Variants in RAB27A observed in about 807,000 individuals in gnomAD.
RAB27A encodes the protein ras-related protein Rab-27A.
In RAB27A, 17 loss-of-function variants were observed where a neutral mutation model predicts 20.8. That is an observed-to-expected ratio of 0.82 (90% CI 0.56 to 1.23). The LOEUF is 1.23. Ranked by LOEUF, RAB27A falls within the 50% of genes most tolerant of loss-of-function variation. The probability of loss-of-function intolerance (pLI) is 0.00; values close to 1 mark genes in which losing one functional copy is unlikely to be tolerated. For missense variants in RAB27A, 277 were observed against 266.7 expected, an observed-to-expected ratio of 1.04 and a Z score of -0.27; for synonymous variants, 85 against 92.8, an observed-to-expected ratio of 0.92 and a Z score of 0.48.
chr15:55,209,827 TACATATATGTGTGTAC>T lies in RAB27A; in HGVS notation c.468-4138_468-4123del, dbSNP rs1402251791. ...ATATATACACACATGTGTGTATATA[TACATATATGTGTGTAC>T]ACATATATGTGTGTATATACATATA... On this transcript the variant is annotated intron_variant, in intron 6 of 6. Coordinates refer to ENST00000336787, the MANE Select transcript of RAB27A (RefSeq NM_183235.3). Among the ~76,000 whole-genome samples, 158 of 126,848 alleles carry T rather than the reference TACATATATGTGTGTAC, an allele frequency of 1.2e-3. 20 individuals carry two copies. Among genetic ancestry groups the T allele is most frequent in the Non-Finnish European group, 2.0e-3 (125 of 63,550 alleles). The allele number at this position is 126,848 out of a possible 152,430, so 83.2% of individuals were successfully genotyped here.
At chr15:55,244,330 C>CA (rs1896607520) in intron 2 of RAB27A, among the ~76,000 whole-genome samples, 2 of 151,800 alleles carry the variant, frequency 1.3e-5, no homozygotes, top group Non-Finnish European at 2.9e-5. Context: ...AACAAACAAA[C>CA]AAACAAAACA....
rs79323462 is a variant in RAB27A at position 55,268,272 on chromosome 15, C to G, written c.-23+1893G>C. On this transcript the variant is annotated intron_variant, in intron 2 of 6. Coordinates refer to ENST00000336787, the MANE Select transcript of RAB27A (RefSeq NM_183235.3). ...TTGGGGTTCATTCCCAGGTGAAAAGCATGAGTTTGTGGCAAAGAAAACAGT... is the reference window on the plus strand; with the variant it reads ...TTGGGGTTCATTCCCAGGTGAAAAGGATGAGTTTGTGGCAAAGAAAACAGT... Among the ~76,000 whole-genome samples the G allele has an allele frequency of 2.0e-5, 3 of 152,158 alleles. No individual in the cohort carries two copies. The South Asian group carries it at 6.2e-4, about 32-fold the overall frequency.
intron 1 of RAB27A, among the ~76,000 whole-genome samples, chr15:55,272,020 C>G (rs1897723190): frequency 6.6e-6 from 1 of 152,154 alleles, no homozygotes; most frequent in Non-Finnish European, 1.5e-5. Flanking sequence ...ATTTTGAGAA[C>G]AATTTAGTAA....
chr15:55,210,556 C>T (rs548639474), intron 6 of RAB27A, among the ~76,000 whole-genome samples: 9 of 152,074 alleles, frequency 5.9e-5, no homozygotes, highest in Non-Finnish European at 1.3e-4. Flanking sequence ...CACCTGTTTG[C>T]CATTTGCAGA....
intron 1 of RAB27A, chr15:55,317,651 C>G (rs1177253450): frequency 7.5e-6 from 3 of 398,540 alleles, no homozygotes. Context: ...TCTTCTGATT[C>G]TTGTACCAAC....
Position 55,309,255 on chromosome 15 carries a change from G to A in RAB27A, c.-112+4784C>T, listed in dbSNP as rs542052209. On this transcript the variant is annotated intron_variant, in intron 2 of 5. Transcript: ENST00000563262. ...CTTAGTTGCTTTAGAGTTTTGGGATGAGGATAAGCCAGTATAGGCTGGATA... is the reference window on the plus strand; with the variant it reads ...CTTAGTTGCTTTAGAGTTTTGGGATAAGGATAAGCCAGTATAGGCTGGATA... Among the ~76,000 whole-genome samples, 27 of 152,350 alleles carry A rather than the reference G, an allele frequency of 1.8e-4. 1 individual carries two copies. Among genetic ancestry groups the A allele is most frequent in the African/African-American group, 6.5e-4 (27 of 41,580 alleles).
chr15:55,259,580 C>A (rs1458780813), intron 2 of RAB27A, among the ~76,000 whole-genome samples: 1 of 152,130 alleles, frequency 6.6e-6, no homozygotes, highest in Non-Finnish European at 1.5e-5. Flanking sequence ...AGCCACCATG[C>A]CCAGCCAAGA....
intron 2 of RAB27A, among the ~76,000 whole-genome samples, chr15:55,253,123 CTCTG>C (rs1896954316): frequency 6.9e-6 from 1 of 144,872 alleles, no homozygotes; most frequent in Non-Finnish European, 1.5e-5. Flanking sequence ...CAGAGCAAGA[CTCTG>C]TCTCTGAAAA....
At chr15:55,274,505 C>T (rs1484984064) in intron 1 of RAB27A, among the ~76,000 whole-genome samples, 4 of 149,062 alleles carry the variant, frequency 2.7e-5, no homozygotes, top group African/African-American at 2.4e-5. Context: ...TGGCTGGGTG[C>T]GGTGGTTCAT....
Position 55,275,054 on chromosome 15 carries a change from C to T in RAB27A, c.-142-4770G>A, listed in dbSNP as rs185492143. Among the ~76,000 whole-genome samples, 1,155 of 151,412 alleles carry T rather than the reference C, an allele frequency of 7.6e-3. 10 individuals carry two copies. The highest frequency in any genetic ancestry group is 0.013 in the Non-Finnish European group (857 of 67,820). ...TCACTTGAGGTCACGAGTTCAAGAC[C>T]AGCCTGGCCAACATGGTAAAAGCCC... On this transcript the variant is annotated intron_variant, in intron 1 of 6. Transcript: ENST00000336787.
chr15:55,303,835 G>T (rs1309433072), intron 2 of RAB27A, among the ~76,000 whole-genome samples: 1 of 134,380 alleles, frequency 7.4e-6, no homozygotes, highest in Non-Finnish European at 1.6e-5. Flanking sequence ...CGGGAGGGAG[G>T]TGGGGGGGGT....
chr15:55,212,298 T>C (rs1895065385), intron 6 of RAB27A, among the ~76,000 whole-genome samples: 1 of 152,256 alleles, frequency 6.6e-6, no homozygotes, highest in South Asian at 2.1e-4. Flanking sequence ...CTAATTCCAA[T>C]GCAGCCAGTT....
At chr15:55,223,610 T>C (rs901551733) in intron 6 of RAB27A, among the ~76,000 whole-genome samples, 6 of 152,176 alleles carry the variant, frequency 3.9e-5, no homozygotes, top group African/African-American at 1.4e-4. Context: ...AAAGAAGGCC[T>C]TACATACTTA....
rs553655827 is a variant in RAB27A, at chr15:55,216,582, A to G, written c.467+7307T>C. ...TACATCATCCCAAAAAAGCAATGTC[A>G]CTAGCAACATGGTAAACATTAAATT... On this transcript the variant is annotated intron_variant, in intron 6 of 6. Coordinates refer to ENST00000336787, the MANE Select transcript of RAB27A (RefSeq NM_183235.3). 5.3e-5 allele frequency among the ~76,000 whole-genome samples: 8 copies of G among 152,256 alleles called. No homozygotes were observed. The East Asian group carries it at 1.2e-3, about 22-fold the overall frequency.
upstream of RAB27A, among the ~76,000 whole-genome samples, chr15:55,292,429 A>T (rs2054926963): frequency 6.6e-6 from 1 of 152,236 alleles, no homozygotes; most frequent in African/African-American, 2.4e-5. Flanking sequence ...TGAGAGGTCA[A>T]TTAGCACGCT....
chr15:55,267,449 ACC>A (rs1426652748), intron 2 of RAB27A, among the ~76,000 whole-genome samples: 1 of 151,930 alleles, frequency 6.6e-6, no homozygotes, highest in East Asian at 1.9e-4. Context: ...CACTTCCCCT[ACC>A]TGCCCCCCAG....
chr15:55,306,886 G>C (rs965650578), intron 2 of RAB27A, among the ~76,000 whole-genome samples: 1 of 152,166 alleles, frequency 6.6e-6, no homozygotes, highest in Admixed American at 6.5e-5. Context: ...GGGCCATGGG[G>C]ATTTACGATT....
At chr15:55,277,403 G>A (rs1316467691) in intron 1 of RAB27A, among the ~76,000 whole-genome samples, 1 of 152,162 alleles carries the variant, frequency 6.6e-6, no homozygotes, top group African/African-American at 2.4e-5. Context: ...AGAACTTTGG[G>A]AGGCAGAGGC....
At chr15:55,224,947 T>C (rs192898125) in intron 5 of RAB27A, among the ~76,000 whole-genome samples, 92 of 152,300 alleles carry the variant, frequency 6.0e-4, no homozygotes, top group African/African-American at 2.2e-3. Context: ...TTACTGAGCA[T>C]TAGCACAGGC....
Sources: allele counts gnomAD v4.1 joint callset (sites outside exome capture counted in the v4.1 genomes callset), GRCh38; gene constraint gnomAD v4.1.1; transcripts MANE v1.5; gene names NCBI Gene and HGNC (gene_info 2026-07-23, HGNC 2026-07-21).